The following RFPL2 variants were observed in gnomAD, a reference collection of about 807,000 sequenced individuals.
RFPL2 encodes the protein ret finger protein like 2.
A neutral mutation model predicts 17.8 loss-of-function variants in RFPL2; 13 were observed. That is an observed-to-expected ratio of 0.73 (90% confidence interval 0.47 to 1.16). RFPL2 has a LOEUF of 1.16. Among genes scored for constraint, RFPL2 ranks in the 50% most tolerant of loss-of-function variants. RFPL2 has a pLI of 0.00. For synonymous variants in RFPL2, 189 were observed against 180.9 expected, an observed-to-expected ratio of 1.04 and a Z score of -0.36; for missense variants, 431 against 479.3, an observed-to-expected ratio of 0.90 and a Z score of 0.94.
At position 32,190,884 on chromosome 22, in the gene RFPL2, G is replaced by A; in HGVS notation, c.1025C>T (p.Pro342Leu). ...AGGTGGAACTGAAGGAGCCAAAAAT[G>A]GGCGCAATGGCTCCTCAGCAGATAC... ...RSVSAEEPLR[P>L]FLAPSVPPNG... The change falls in exon 5 of 5, where the codon CCA becomes CTA. Residue 342 changes from proline to leucine, a missense_variant. By Grantham distance (98) the Pro-to-Leu change is moderately conservative. Coordinates refer to ENST00000652607, the MANE Select transcript of RFPL2 (RefSeq NM_001394555.1). 6.3e-7 allele frequency: 1 copy of A among 1,593,572 alleles called. No individual in the cohort carries two copies. The highest frequency in any genetic ancestry group is 1.1e-5 in the South Asian group (1 of 88,328).
intron 1 of RFPL2, chr22:32,203,423 G>GT (rs1243199369): frequency 6.6e-6 from 1 of 152,138 alleles, no homozygotes; most frequent in Non-Finnish European, 1.5e-5. Context: ...GCCACCGGCG[G>GT]TGTAGCCCAG....
At chr22:32,195,622 A>C (rs1022478802) in intron 2 of RFPL2, among the ~76,000 whole-genome samples, 1 of 143,194 alleles carries the variant, frequency 7.0e-6, no homozygotes, top group Non-Finnish European at 1.5e-5. Flanking sequence ...TGCCTGGCTA[A>C]TTTTTTTTTT....
intron 2 of RFPL2, among the ~76,000 whole-genome samples, chr22:32,198,467 G>C (rs950455827): frequency 6.6e-6 from 1 of 151,396 alleles, no homozygotes; most frequent in African/African-American, 2.4e-5. Flanking sequence ...CCTGAATCAC[G>C]GCTGCAAGTG....
chr22:32,192,067 A>G (rs1352450928), intron 4 of RFPL2, among the ~76,000 whole-genome samples: 1 of 152,210 alleles, frequency 6.6e-6, no homozygotes, highest in African/African-American at 2.4e-5. Flanking sequence ...GACATGGATA[A>G]GGAAGGAGGA....
chr22:32,191,836 T>C (rs1224760386), intron 4 of RFPL2, among the ~76,000 whole-genome samples: 1 of 152,110 alleles, frequency 6.6e-6, no homozygotes, highest in Non-Finnish European at 1.5e-5. Flanking sequence ...GAAGATGGAA[T>C]ATCTCTGCAG....
At chr22:32,201,039 C>CTT (rs136492) in intron 2 of RFPL2, among the ~76,000 whole-genome samples, 6,316 of 130,498 alleles carry the variant, frequency 0.048, 412 homozygotes, top group African/African-American at 0.13. Flanking sequence ...CCCTTATTTC[C>CTT]TTTTTTTTTT....
intron 2 of RFPL2, 133 bp downstream of exon 2, chr22:32,202,200 G>A (rs760556): frequency 1.8e-6 from 2 of 1,104,902 alleles, no homozygotes. Flanking sequence ...TCCTCTCCCT[G>A]GACTCCCCTC....
chr22:32,204,741 A>G lies in RFPL2; in HGVS notation c.-134T>C. ...GAGCAGATGGGCTGGCAGACGCAGAAGTGCCTGGAATGGCAAGAACCCCTC... is the reference window on the plus strand; with the variant it reads ...GAGCAGATGGGCTGGCAGACGCAGAGGTGCCTGGAATGGCAAGAACCCCTC... On this transcript the variant is annotated 5_prime_UTR_variant, in exon 1 of 5. Coordinates refer to ENST00000652607, the MANE Select transcript of RFPL2 (RefSeq NM_001394555.1). Among the ~76,000 whole-genome samples, 1 of 152,208 alleles carries G rather than the reference A, an allele frequency of 6.6e-6. No individual in the cohort carries two copies. The highest frequency in any genetic ancestry group is 1.9e-4 in the East Asian group (1 of 5,194).
At chr22:32,195,950 C>T (rs540365984) in intron 2 of RFPL2, among the ~76,000 whole-genome samples, 1 of 151,868 alleles carries the variant, frequency 6.6e-6, no homozygotes, top group Admixed American at 6.6e-5. Flanking sequence ...CCAGCCTCCA[C>T]CAAAGCCCAT....
In RFPL2 at chr22:32,197,851, C is replaced by T. The variant is rs144802938; in HGVS notation, c.120-3361G>A. Reference sequence around the variant, plus strand: ...GAAGTGGGATTTAGAGATCACACTCCGGCTGCTACTTACATAGTCCTTTTG... The same window carrying T: ...GAAGTGGGATTTAGAGATCACACTCTGGCTGCTACTTACATAGTCCTTTTG... On this transcript the variant is annotated intron_variant, in intron 2 of 4. Transcript: ENST00000652607. Among the ~76,000 whole-genome samples, 1,321 of 152,210 alleles carry T rather than the reference C, an allele frequency of 8.7e-3. 13 individuals carry two copies. Among genetic ancestry groups the T allele is most frequent in the Non-Finnish European group, 0.011 (737 of 68,016 alleles).
Position 32,190,555 on chromosome 22 carries a change from A to G in RFPL2, c.*217T>C, listed in dbSNP as rs1922461775. ...CAGAATACAGGACATTTCTATAGGA[A>G]ACAAGATGTGAACCATAGGACTCAA... On this transcript the variant is annotated 3_prime_UTR_variant, in exon 5 of 5. Coordinates refer to ENST00000652607, the MANE Select transcript of RFPL2 (RefSeq NM_001394555.1). The G allele has an allele frequency of 3.7e-5, 16 of 428,706 alleles. No homozygotes were observed. In the South Asian group the frequency reaches 1.7e-3, roughly 46 times the overall value. 26.6% of individuals were successfully genotyped at this position (428,706 alleles called of 1,614,324 possible). A position where few individuals can be genotyped will look rare whatever the true frequency, so the allele number is the denominator to read the frequency against.
chr22:32,192,467 C>T lies in RFPL2; in HGVS notation c.556+435G>A, dbSNP rs538820639. ...GGTAAGGTTGTTTGTACAATGGGTG[C>T]CAATATTCACCGTGCATTAGAATTA... On this transcript the variant is annotated intron_variant, in intron 4 of 4. Coordinates refer to ENST00000652607, the MANE Select transcript of RFPL2 (RefSeq NM_001394555.1). 3.2e-4 allele frequency among the ~76,000 whole-genome samples: 48 copies of T among 152,272 alleles called. 1 individual carries two copies. Among genetic ancestry groups the T allele is most frequent in the African/African-American group, 1.2e-3 (48 of 41,564 alleles).
chr22:32,192,951 G>T lies in RFPL2; in HGVS notation c.507C>A (p.Pro169=), dbSNP rs765023078. 6.2e-7 allele frequency: 1 copy of T among 1,614,082 alleles called. No homozygotes were observed. Among genetic ancestry groups the T allele is most frequent in the South Asian group, 1.1e-5 (1 of 91,064 alleles). ...RLASHIKELE[P]KLKKILQMNP... ...TCATCTGCAGAATCTTCTTCAGCTT[G>T]GGCTCCAGTTCCTTGATGTGGGAAG... The change falls in exon 4 of 5, where the codon CCC becomes CCA. Residue 169 remains proline, a synonymous_variant. Coordinates refer to ENST00000652607, the MANE Select transcript of RFPL2 (RefSeq NM_001394555.1).
At chr22:32,197,308 G>A (rs1923432898) in intron 2 of RFPL2, among the ~76,000 whole-genome samples, 1 of 152,274 alleles carries the variant, frequency 6.6e-6, no homozygotes, top group African/African-American at 2.4e-5. Context: ...GCCCGGGACT[G>A]ACCCAGAGGG....
At chr22:32,203,009 C>T in intron 1 of RFPL2, 1 of 985,906 alleles carries the variant, frequency 1.0e-6, no homozygotes. Context: ...GTGCGCCCGC[C>T]GCACTTGAGC....
chr22:32,195,229 G>T (rs3986023), intron 2 of RFPL2, among the ~76,000 whole-genome samples: 9 of 152,036 alleles, frequency 5.9e-5, no homozygotes, highest in African/African-American at 1.9e-4. Flanking sequence ...CTCTTTTTGC[G>T]TAATTAAAAA....
At chr22:32,204,644 G>A (rs1022523722) in intron 1 of RFPL2, among the ~76,000 whole-genome samples, 63 bp downstream of exon 1, 12 of 152,232 alleles carry the variant, frequency 7.9e-5, no homozygotes, top group African/African-American at 2.7e-4. Flanking sequence ...ACGGCAGCGA[G>A]CCGAGCCATG....
chr22:32,200,177 G>T, intron 2 of RFPL2: 1 of 382,506 alleles, frequency 2.6e-6, no homozygotes, highest in Non-Finnish European at 5.2e-6. Context: ...ACAGCTGCCG[G>T]GTCACACACA....
chr22:32,195,390 T>C (rs1449651072), intron 2 of RFPL2, among the ~76,000 whole-genome samples: 2 of 152,244 alleles, frequency 1.3e-5, no homozygotes, highest in African/African-American at 4.8e-5. Flanking sequence ...CACAGTAATA[T>C]TTTGATACAT....
Sources: gnomAD v4.1 joint callset for allele counts (sites outside exome capture counted in the v4.1 genomes callset) on GRCh38, gnomAD v4.1.1 for gene constraint, MANE v1.5 for transcripts, NCBI Gene and HGNC (gene_info 2026-07-23, HGNC 2026-07-21) for gene names.